PDE3B: variants seen among roughly 807,000 people sequenced by gnomAD.
PDE3B encodes cGMP-inhibited 3',5'-cyclic phosphodiesterase 3B.
In PDE3B, 66 loss-of-function variants were observed where a neutral mutation model predicts 116.8. That is an observed-to-expected ratio of 0.56 (90% CI 0.46 to 0.69). The LOEUF is 0.69. Among genes scored for constraint, PDE3B ranks in the 30% least tolerant of loss-of-function variants. PDE3B has a pLI of 0.00. For synonymous variants in PDE3B, 595 were observed against 533.6 expected, an observed-to-expected ratio of 1.12 and a Z score of -1.59; for missense variants, 1,384 against 1,368.1, an observed-to-expected ratio of 1.01 and a Z score of -0.18.
At chr11:14,874,538 C>T (rs889865785), downstream of PDE3B, among the ~76,000 whole-genome samples, 33 of 152,132 alleles carry the variant, frequency 2.2e-4, no homozygotes, top group African/African-American at 8.0e-4. Flanking sequence ...TTTATAGTAT[C>T]TGCTTCTCAT....
chr11:14,891,848 T>G, the PDE3B span: 9 of 1,414,398 alleles, frequency 6.4e-6, no homozygotes, highest in Non-Finnish European at 8.4e-6. Context: ...CGGGTGTCCC[T>G]CAAAGGGCAG....
chr11:14,662,101 G>C (rs1370205480), intron 1 of PDE3B, among the ~76,000 whole-genome samples: 1 of 152,070 alleles, frequency 6.6e-6, no homozygotes, highest in East Asian at 1.9e-4. Context: ...GTACTCCTCT[G>C]AGACAAAACT....
intron 14 of PDE3B, among the ~76,000 whole-genome samples, chr11:14,864,309 T>A (rs1848004742): frequency 6.6e-6 from 1 of 152,030 alleles, no homozygotes; most frequent in South Asian, 2.1e-4. Flanking sequence ...ATAAAGCAAG[T>A]TTTTAGAGAC....
the PDE3B span, among the ~76,000 whole-genome samples, chr11:14,894,807 C>T: frequency 6.6e-6 from 1 of 152,218 alleles, no homozygotes; most frequent in South Asian, 2.1e-4. Flanking sequence ...ATTCCCCCTT[C>T]TTGCATTTGC....
intron 1 of PDE3B, among the ~76,000 whole-genome samples, chr11:14,713,354 T>A (rs1303710058): frequency 1.3e-5 from 2 of 152,144 alleles, no homozygotes; most frequent in Non-Finnish European, 1.5e-5. Context: ...TTATTCTGAG[T>A]TTCTATGAGA....
In PDE3B at chr11:14,830,776, A is replaced by C; in HGVS notation, c.1886A>C (p.Asp629Ala). 1 of 1,546,226 alleles carries C rather than the reference A, an allele frequency of 6.5e-7. No individual in the cohort carries two copies. Among genetic ancestry groups the C allele is most frequent in the African/African-American group, 1.4e-5 (1 of 70,660 alleles). The part of the protein sequence containing the change: ...TQQEEETEKK[D>A]SRKLFQEGDK... ...CAAGAAGAGGAAACAGAGAAGAAAG[A>C]CAGCAGAAAATTATTTCAGGAAGGT... Residue 629 changes from aspartate to alanine, a missense_variant, in exon 8 of 16, where the codon GAC becomes GCC. Transcript: ENST00000282096.
At chr11:14,714,423 C>T (rs1429495801) in intron 1 of PDE3B, among the ~76,000 whole-genome samples, 1 of 151,570 alleles carries the variant, frequency 6.6e-6, no homozygotes, top group Non-Finnish European at 1.5e-5. Flanking sequence ...GCCTGTCGTC[C>T]CAGCTACTCA....
At chr11:14,803,036 A>T (rs896290500) in intron 4 of PDE3B, among the ~76,000 whole-genome samples, 2 of 152,234 alleles carry the variant, frequency 1.3e-5, no homozygotes, top group African/African-American at 2.4e-5. Context: ...AATGAAGATC[A>T]ACAGTAAAGA....
chr11:14,685,430 G>A (rs1280780102), intron 1 of PDE3B, among the ~76,000 whole-genome samples: 1 of 147,896 alleles, frequency 6.8e-6, no homozygotes, highest in African/African-American at 2.5e-5. Flanking sequence ...AATCACTAAG[G>A]GAACATTTTT....
chr11:14,852,601 A>T (rs1366845196), intron 12 of PDE3B, among the ~76,000 whole-genome samples: 11 of 152,234 alleles, frequency 7.2e-5, no homozygotes, highest in African/African-American at 2.7e-4. Context: ...CCATTAGATG[A>T]AGCCATAGGA....
intron 5 of PDE3B, among the ~76,000 whole-genome samples, 153 bp downstream of exon 5, chr11:14,804,203 AC>A (rs766375541): frequency 1.1e-4 from 17 of 152,172 alleles, no homozygotes; most frequent in Non-Finnish European, 2.4e-4. Context: ...CTACTAATTG[AC>A]CGTTTGCTAA....
At chr11:14,702,920 T>A (rs1216301548) in intron 1 of PDE3B, among the ~76,000 whole-genome samples, 1 of 151,902 alleles carries the variant, frequency 6.6e-6, no homozygotes, top group Non-Finnish European at 1.5e-5. Context: ...CCCTGTCACT[T>A]ATGGCCTGCG....
chr11:14,892,056 G>C, the PDE3B span: 1 of 1,612,932 alleles, frequency 6.2e-7, no homozygotes, highest in Non-Finnish European at 8.5e-7. Context: ...AATAGATGTT[G>C]CCGATAAATG....
intron 1 of PDE3B, among the ~76,000 whole-genome samples, chr11:14,718,638 C>T (rs1372259701): frequency 2.7e-3 from 411 of 150,424 alleles, no homozygotes; most frequent in African/African-American, 9.6e-3. Context: ...CGCTCAACTA[C>T]ATGGAAACTG....
chr11:14,856,750 A>G lies in PDE3B; in HGVS notation c.2521-2293A>G, dbSNP rs569191977. ...GCACCCGTAGTCCCAGCTACTCGGG[A>G]GGCTGAGGCAGGAGAACGGCTTGAA... On this transcript the variant is annotated intron_variant, in intron 12 of 15. Transcript: ENST00000282096. Among the ~76,000 whole-genome samples the G allele has an allele frequency of 1.6e-4, 25 of 151,852 alleles. 1 individual carries two copies. The South Asian group carries it at 5.2e-3, about 32-fold the overall frequency.
intron 7 of PDE3B, among the ~76,000 whole-genome samples, chr11:14,830,284 A>G (rs955108437): frequency 2.6e-5 from 4 of 152,172 alleles, no homozygotes; most frequent in African/African-American, 9.6e-5. Context: ...CACCATTAAT[A>G]ATATTATGGT....
In PDE3B at chr11:14,648,160, G is replaced by A. The variant is rs75659083; in HGVS notation, c.978+3107G>A. On this transcript the variant is annotated intron_variant, in intron 1 of 15. Transcript: ENST00000282096. ...CCATTTTAATTGCATATTCTACAGT[G>A]CAATTTTCAGCTTTTCAATGAGATC... Among the ~76,000 whole-genome samples the A allele has an allele frequency of 4.7e-3, 720 of 152,052 alleles. 9 individuals carry two copies. The highest frequency in any genetic ancestry group is 0.016 in the African/African-American group (683 of 41,518).
intron 10 of PDE3B, among the ~76,000 whole-genome samples, chr11:14,834,437 C>T (rs544996791): frequency 6.6e-6 from 1 of 152,166 alleles, no homozygotes; most frequent in African/African-American, 2.4e-5. Flanking sequence ...ACTCTTTACA[C>T]TATGCCACAT....
intron 14 of PDE3B, among the ~76,000 whole-genome samples, chr11:14,862,624 A>T (rs1040534765): frequency 1.3e-5 from 2 of 152,284 alleles, no homozygotes; most frequent in Admixed American, 6.5e-5. Context: ...CCCAGGCTGT[A>T]GTGCAGTGGC....
Sources: gnomAD v4.1 joint callset for allele counts (sites outside exome capture counted in the v4.1 genomes callset) on GRCh38, gnomAD v4.1.1 for gene constraint, MANE v1.5 for transcripts, NCBI Gene and HGNC (gene_info 2026-07-23, HGNC 2026-07-21) for gene names.